Variants in KIAA0040 observed in about 807,000 individuals in gnomAD.
KIAA0040 encodes the protein uncharacterized protein KIAA0040.
A neutral mutation model predicts 7.2 loss-of-function variants in KIAA0040; 10 were observed. The ratio of observed to expected loss-of-function variants is 1.38; its 90% CI spans 0.85 to 2.34. KIAA0040 has a LOEUF of 2.34. Ranked by LOEUF, KIAA0040 falls within the 30% of genes most tolerant of loss-of-function variation. KIAA0040 has a pLI of 0.00. For synonymous variants in KIAA0040, 49 were observed against 40.1 expected (o/e 1.22, Z -0.84); for missense variants, 89 against 108.2 (o/e 0.82, Z 0.79).
chr1:175,181,440 G>A (rs574689625), intron 1 of KIAA0040, among the ~76,000 whole-genome samples: 80 of 152,226 alleles, frequency 5.3e-4, no homozygotes, highest in African/African-American at 1.8e-3. Flanking sequence ...ACTCACATTT[G>A]TTGAGTACCT....
chr1:175,159,585 G>GTCTC lies in KIAA0040; in HGVS notation c.*1128_*1129insGAGA. The GTCTC allele has an allele frequency of 6.6e-6, 1 of 152,392 alleles. No homozygotes were observed. 9.4% of individuals were successfully genotyped at this position (152,392 alleles called of 1,614,324 possible). Reference sequence around the variant, plus strand: ...ACTCTGTTACCTCTGCATCCCACCTGTGCCATACCGTGCACACATCACAAC... The same window carrying GTCTC: ...ACTCTGTTACCTCTGCATCCCACCTGTCTCTGCCATACCGTGCACACATCACAAC... On this transcript the variant is annotated 3_prime_UTR_variant, in exon 4 of 4. Coordinates refer to ENST00000423313, the MANE Select transcript of KIAA0040 (RefSeq NM_014656.3).
In KIAA0040 at chr1:175,158,883, A is replaced by G. The variant is rs1676406947; in HGVS notation, c.*1831T>C. The G allele has an allele frequency of 6.6e-6, 1 of 152,154 alleles. No homozygotes were observed. 9.4% of individuals were successfully genotyped at this position (152,154 alleles called of 1,614,324 possible). A position where few individuals can be genotyped will look rare whatever the true frequency, so the allele number is the denominator to read the frequency against. ...ACCCTGGTGCAAGGGTCACCACTAA[A>G]TGCCCACCCTCCACAGGCCTAAAGT... is the stretch of plus-strand genomic sequence containing the variant. On this transcript the variant is annotated 3_prime_UTR_variant, in exon 4 of 4. Transcript: ENST00000423313.
intron 2 of KIAA0040, among the ~76,000 whole-genome samples, chr1:175,171,298 G>T (rs1157613313): frequency 6.6e-6 from 1 of 152,168 alleles, no homozygotes; most frequent in East Asian, 1.9e-4. Context: ...TGTCACGCTG[G>T]TTTCCACCTT....
At chr1:175,162,108 T>C (rs1001888135) in intron 3 of KIAA0040, among the ~76,000 whole-genome samples, 4 of 152,108 alleles carry the variant, frequency 2.6e-5, no homozygotes, top group South Asian at 2.1e-4. Context: ...CCTCCACATA[T>C]ATCTTAAAGC....
chr1:175,178,781 T>C (rs531532990), intron 1 of KIAA0040, among the ~76,000 whole-genome samples: 133 of 152,316 alleles, frequency 8.7e-4, no homozygotes, highest in African/African-American at 3.0e-3. Context: ...CCATTCAGTG[T>C]GGTTGTGAAA....
At chr1:175,179,741 A>T (rs1242705511) in intron 1 of KIAA0040, among the ~76,000 whole-genome samples, 4 of 152,146 alleles carry the variant, frequency 2.6e-5, no homozygotes, top group Admixed American at 1.3e-4. Flanking sequence ...TCTTCCTTCA[A>T]TCTACTGTAA....
chr1:175,173,815 A>G (rs2101892532), intron 2 of KIAA0040, among the ~76,000 whole-genome samples: 1 of 152,354 alleles, frequency 6.6e-6, no homozygotes, highest in South Asian at 2.1e-4. Flanking sequence ...GTATAACTCC[A>G]TATATGCTGG....
intron 1 of KIAA0040, among the ~76,000 whole-genome samples, chr1:175,178,974 G>GC (rs968398033): frequency 6.6e-6 from 1 of 150,522 alleles, no homozygotes; most frequent in African/African-American, 2.4e-5. Context: ...ACGGGGCGGG[G>GC]GGGGGGATAT....
chr1:175,170,864 GTCACTAGAAGTATGA>G (rs1676962934), intron 2 of KIAA0040, among the ~76,000 whole-genome samples: 1 of 146,882 alleles, frequency 6.8e-6, no homozygotes, highest in African/African-American at 2.6e-5. Flanking sequence ...ATGGCTTCCC[GTCACTAGAAGTATGA>G]CATCTAAACT....
At chr1:175,192,441 C>A (rs1677898995) in intron 1 of KIAA0040, among the ~76,000 whole-genome samples, 199 bp downstream of exon 1, 1 of 152,058 alleles carries the variant, frequency 6.6e-6, no homozygotes, top group Non-Finnish European at 1.5e-5. Flanking sequence ...GAGGAAGACT[C>A]CTGAGAGTCC....
intron 1 of KIAA0040, among the ~76,000 whole-genome samples, chr1:175,182,802 T>C (rs1266875649): frequency 3.9e-5 from 6 of 152,232 alleles, no homozygotes; most frequent in Non-Finnish European, 7.3e-5. Context: ...ATGAGTTAAA[T>C]ACTCTGTGTG....
chr1:175,179,639 A>G (rs1019455240), intron 1 of KIAA0040, among the ~76,000 whole-genome samples: 8 of 152,134 alleles, frequency 5.3e-5, no homozygotes, highest in Admixed American at 4.6e-4. Context: ...TGGCACCCAG[A>G]TGGGCTTGGG....
At chr1:175,192,082 G>T (rs1195692852) in intron 1 of KIAA0040, among the ~76,000 whole-genome samples, 1 of 152,160 alleles carries the variant, frequency 6.6e-6, no homozygotes, top group Non-Finnish European at 1.5e-5. Context: ...GGGATGGGGG[G>T]TCTGGGGGTG....
chr1:175,188,325 T>C (rs1369265725), intron 1 of KIAA0040, among the ~76,000 whole-genome samples: 1 of 152,200 alleles, frequency 6.6e-6, no homozygotes, highest in African/African-American at 2.4e-5. Flanking sequence ...TCTGTTCAGA[T>C]GGCTCAGACT....
At chr1:175,169,622 T>G (rs1366666509) in intron 2 of KIAA0040, among the ~76,000 whole-genome samples, 1 of 152,236 alleles carries the variant, frequency 6.6e-6, no homozygotes, top group African/African-American at 2.4e-5. Context: ...TGACTTTGAT[T>G]ATGTAGGTCT....
At chr1:175,177,563 T>C (rs1431462030) in intron 2 of KIAA0040, 48 bp downstream of exon 2, 1 of 152,214 alleles carries the variant, frequency 6.6e-6, no homozygotes, top group Non-Finnish European at 1.5e-5. Flanking sequence ...GTAGTTTGAG[T>C]GCAGAGGAAG....
chr1:175,183,572 GA>G (rs1253613344), intron 1 of KIAA0040, among the ~76,000 whole-genome samples: 1 of 152,234 alleles, frequency 6.6e-6, no homozygotes, highest in African/African-American at 2.4e-5. Context: ...GCAATGGGCT[GA>G]GCTTTCACAA....
intron 3 of KIAA0040, among the ~76,000 whole-genome samples, chr1:175,164,313 T>A (rs1179573521): frequency 6.6e-6 from 1 of 152,218 alleles, no homozygotes. Flanking sequence ...TGTTGAGAAT[T>A]CAATAGTGAA....
chr1:175,179,245 T>C (rs1677342197), intron 1 of KIAA0040, among the ~76,000 whole-genome samples: 2 of 152,138 alleles, frequency 1.3e-5, no homozygotes, highest in African/African-American at 2.4e-5. Context: ...ATGGGGTTGG[T>C]GTAACAGCCT....
Sources: gnomAD v4.1 joint callset for allele counts (sites outside exome capture counted in the v4.1 genomes callset) on GRCh38, gnomAD v4.1.1 for gene constraint, MANE v1.5 for transcripts, NCBI Gene and HGNC (gene_info 2026-07-23, HGNC 2026-07-21) for gene names.